The following SCAI variants were observed in gnomAD, a reference collection of about 807,000 sequenced individuals.
SCAI encodes suppressor of cancer cell invasion, also known as protein SCAI.
Under a neutral mutation model 92.2 loss-of-function variants are expected in SCAI, and 24 were observed. The ratio of observed to expected loss-of-function variants is 0.26; its 90% CI spans 0.19 to 0.37. The LOEUF (loss-of-function observed/expected upper bound fraction) is 0.37. Among genes scored for constraint, SCAI ranks in the 10% least tolerant of loss-of-function variants. SCAI has a pLI of 1.00. For missense variants in SCAI, 450 were observed against 736.2 expected, an observed-to-expected ratio of 0.61 and a Z score of 4.50; for synonymous variants, 261 against 258.6, an observed-to-expected ratio of 1.01 and a Z score of -0.09.
intron 14 of SCAI, among the ~76,000 whole-genome samples, chr9:124,990,926 G>A (rs939950043): frequency 6.6e-6 from 1 of 152,176 alleles, no homozygotes; most frequent in South Asian, 2.1e-4. Context: ...CCCACCCCAG[G>A]TGAAGTGATC....
At chr9:125,004,144 C>T (rs189442296) in intron 9 of SCAI, among the ~76,000 whole-genome samples, 1 of 152,000 alleles carries the variant, frequency 6.6e-6, no homozygotes, top group African/African-American at 2.4e-5. Context: ...CCATCGTATT[C>T]CAGCCTGGGT....
intron 3 of SCAI, among the ~76,000 whole-genome samples, chr9:125,045,658 C>T (rs1438160420): frequency 2.0e-5 from 3 of 152,144 alleles, no homozygotes; most frequent in Admixed American, 2.0e-4. Flanking sequence ...TAGAGTCAAA[C>T]ATTCGTCTGT....
chr9:125,108,267 T>G (rs1278930757), intron 2 of SCAI, among the ~76,000 whole-genome samples: 1 of 152,222 alleles, frequency 6.6e-6, no homozygotes, highest in Non-Finnish European at 1.5e-5. Context: ...GTCTGGGAAG[T>G]GAGGAGCGTC....
intron 2 of SCAI, among the ~76,000 whole-genome samples, chr9:125,138,615 T>C (rs190431659): frequency 0.04 from 6,128 of 152,174 alleles, 175 homozygotes; most frequent in Non-Finnish European, 0.062. Flanking sequence ...GTGGTTTCAC[T>C]GTGTTAGCCA....
intron 3 of SCAI, among the ~76,000 whole-genome samples, chr9:125,037,083 A>G (rs986664235): frequency 2.1e-4 from 32 of 152,304 alleles, no homozygotes; most frequent in Middle Eastern, 6.8e-3. Context: ...ATCCTGGCCA[A>G]CATGGTGAAA....
chr9:125,100,355 T>C (rs780660363), intron 2 of SCAI, among the ~76,000 whole-genome samples: 18 of 152,228 alleles, frequency 1.2e-4, no homozygotes, highest in Non-Finnish European at 1.5e-4. Context: ...GATTCTTGCA[T>C]TGAATCCTCA....
intron 17 of SCAI, among the ~76,000 whole-genome samples, chr9:124,957,283 A>C (rs1831331963): frequency 6.6e-6 from 1 of 152,134 alleles, no homozygotes; most frequent in African/African-American, 2.4e-5. Context: ...GTGAGCCAGC[A>C]TACCCAGCCA....
At chr9:125,109,361 A>AAATAAT (rs796825826) in intron 2 of SCAI, among the ~76,000 whole-genome samples, 4 of 151,522 alleles carry the variant, frequency 2.6e-5, no homozygotes, top group East Asian at 3.9e-4. Flanking sequence ...CAATTTTAAA[A>AAATAAT]AATAATAATA....
Position 125,143,506 on chromosome 9 carries a change from G to T in SCAI, c.-69C>A. On this transcript the variant is annotated 5_prime_UTR_variant, in exon 1 of 18. Coordinates refer to ENST00000336505, the MANE Select transcript of SCAI (RefSeq NM_001144877.3). Reference sequence around the variant, plus strand: ...GCTCGCTCGGGAAGCTGAGGCGGCGGAGGCTGGAGTAGGCGGAGAGGCGGG... The same window carrying T: ...GCTCGCTCGGGAAGCTGAGGCGGCGTAGGCTGGAGTAGGCGGAGAGGCGGG... The T allele has an allele frequency of 1.6e-6, 2 of 1,275,056 alleles. No individual in the cohort carries two copies. Among genetic ancestry groups the T allele is most frequent in the South Asian group, 2.1e-5 (1 of 46,884 alleles). The allele number at this position is 1,275,056 out of a possible 1,614,324, so 79.0% of individuals were successfully genotyped here.
At chr9:125,128,520 G>A (rs1438437832) in intron 2 of SCAI, among the ~76,000 whole-genome samples, 2 of 152,060 alleles carry the variant, frequency 1.3e-5, no homozygotes, top group African/African-American at 2.4e-5. Flanking sequence ...TTGGGAGTCC[G>A]AGGCGGGTGG....
intron 2 of SCAI, among the ~76,000 whole-genome samples, chr9:125,074,730 G>T (rs898290088): frequency 4.3e-4 from 65 of 151,352 alleles, no homozygotes; most frequent in African/African-American, 1.5e-3. Flanking sequence ...ACTGGCCAGG[G>T]AAGGTGGCTC....
chr9:125,060,659 T>C (rs1469915611), intron 2 of SCAI, among the ~76,000 whole-genome samples: 2 of 152,284 alleles, frequency 1.3e-5, no homozygotes, highest in East Asian at 1.9e-4. Context: ...CAAGATCTGA[T>C]GGTTTTATCA....
chr9:125,127,405 A>ATT (rs11399082), intron 2 of SCAI, among the ~76,000 whole-genome samples: 1,474 of 140,834 alleles, frequency 0.01, 19 homozygotes, highest in African/African-American at 0.033. Context: ...CCAGGGCAGA[A>ATT]TTTTTTTTTT....
At chr9:124,968,400 G>T in intron 17 of SCAI, 1 of 1,128,584 alleles carries the variant, frequency 8.9e-7, no homozygotes, top group Non-Finnish European at 1.4e-6. Flanking sequence ...GCAATCGTGG[G>T]AGTACACCCA....
rs190748379 is a variant in SCAI at position 125,129,967 on chromosome 9, C to T, written c.98+12666G>A. On this transcript the variant is annotated intron_variant, in intron 2 of 17. Transcript: ENST00000336505. ...AGGGTGGAGTGCCGTAATGCTATCT[C>T]GGCTCACTGCAACCTCCACCTCCTG... Among the ~76,000 whole-genome samples, 171 of 150,266 alleles carry T rather than the reference C, an allele frequency of 1.1e-3. 1 individual carries two copies. Among genetic ancestry groups the T allele is most frequent in the African/African-American group, 3.9e-3 (161 of 40,762 alleles).
chr9:124,993,163 T>C (rs1289079573), intron 14 of SCAI, among the ~76,000 whole-genome samples: 1 of 152,280 alleles, frequency 6.6e-6, no homozygotes, highest in Non-Finnish European at 1.5e-5. Context: ...TTTTGAATTC[T>C]GTGAAGACAC....
intron 2 of SCAI, among the ~76,000 whole-genome samples, chr9:125,060,014 T>C (rs1833741786): frequency 6.6e-6 from 1 of 152,144 alleles, no homozygotes; most frequent in Admixed American, 6.5e-5. Flanking sequence ...ATCTAAATCT[T>C]TCCCTGGCAC....
At chr9:125,040,698 C>G (rs918866202) in intron 3 of SCAI, among the ~76,000 whole-genome samples, 1 of 152,114 alleles carries the variant, frequency 6.6e-6, no homozygotes, top group African/African-American at 2.4e-5. Flanking sequence ...ACGATCTTGG[C>G]TCACCGCAAC....
chr9:124,972,411 C>T (rs1307784057), intron 15 of SCAI, among the ~76,000 whole-genome samples: 13 of 152,096 alleles, frequency 8.5e-5, no homozygotes, highest in South Asian at 2.1e-4. Context: ...ACACTAAAAA[C>T]GTGACTAGAT....
Sources: gnomAD v4.1 joint callset for allele counts (sites outside exome capture counted in the v4.1 genomes callset) on GRCh38, gnomAD v4.1.1 for gene constraint, MANE v1.5 for transcripts, NCBI Gene and HGNC (gene_info 2026-07-23, HGNC 2026-07-21) for gene names.